ADGRD1: variants seen among roughly 807,000 people sequenced by gnomAD.
The protein encoded by ADGRD1 is adhesion G protein-coupled receptor D1, also known as G-protein coupled receptor 133.
In ADGRD1, 77 loss-of-function variants were observed where a neutral mutation model predicts 113.4. That is an observed-to-expected ratio of 0.68 (90% CI 0.57 to 0.82). The LOEUF is 0.82. Ranked by LOEUF, ADGRD1 falls within the 40% of genes least tolerant of loss-of-function variation. The pLI is 0.00. For missense variants in ADGRD1, 1,036 were observed against 1,139.1 expected, an observed-to-expected ratio of 0.91 and a Z score of 1.30; for synonymous variants, 474 against 475.0, an observed-to-expected ratio of 1.00 and a Z score of 0.03.
chr12:131,065,873 C>T (rs1884682816), intron 13 of ADGRD1, among the ~76,000 whole-genome samples: 2 of 152,364 alleles, frequency 1.3e-5, no homozygotes, highest in South Asian at 4.1e-4. Flanking sequence ...AAGCCCCCAT[C>T]TCCCAGGTTA....
At chr12:131,112,552 C>T (rs1323583991) in intron 18 of ADGRD1, among the ~76,000 whole-genome samples, 2 of 152,216 alleles carry the variant, frequency 1.3e-5, no homozygotes, top group Admixed American at 6.5e-5. Flanking sequence ...CCAGCTTCCT[C>T]TTCGTTCCCT....
At chr12:131,040,509 G>A (rs138132814) in intron 13 of ADGRD1, among the ~76,000 whole-genome samples, 47 of 152,278 alleles carry the variant, frequency 3.1e-4, no homozygotes, top group African/African-American at 1.0e-3. Flanking sequence ...ATACTCACAC[G>A]CTTCTCATAC....
intron 8 of ADGRD1, among the ~76,000 whole-genome samples, chr12:130,995,312 T>C (rs1375553474): frequency 6.6e-6 from 1 of 152,152 alleles, no homozygotes; most frequent in Non-Finnish European, 1.5e-5. Context: ...GTATGCGCAG[T>C]GAGGTGGGTG....
At chr12:130,986,233 T>G (rs1236899427) in intron 5 of ADGRD1, among the ~76,000 whole-genome samples, 1 of 152,220 alleles carries the variant, frequency 6.6e-6, no homozygotes, top group African/African-American at 2.4e-5. Context: ...TATAGATCAA[T>G]TTGGGAAGAA....
At chr12:131,104,768 C>T (rs1407465677) in intron 15 of ADGRD1, 63 bp from the exon 16 acceptor site, 4 of 1,181,960 alleles carry the variant, frequency 3.4e-6, no homozygotes, top group African/African-American at 1.5e-5. Context: ...GGGCCCTCTG[C>T]AGCTTCAGGC....
At chr12:131,007,167 T>C (rs925706078) in intron 12 of ADGRD1, among the ~76,000 whole-genome samples, 24 of 152,358 alleles carry the variant, frequency 1.6e-4, no homozygotes, top group Non-Finnish European at 3.2e-4. Flanking sequence ...TGCTTCCAGA[T>C]GCAGGGTGCA....
chr12:131,094,435 C>T (rs746335772), intron 15 of ADGRD1, among the ~76,000 whole-genome samples: 3 of 151,800 alleles, frequency 2.0e-5, no homozygotes, highest in Non-Finnish European at 4.4e-5. Context: ...GTCTATTGCC[C>T]TGTTGATGGG....
intron 13 of ADGRD1, among the ~76,000 whole-genome samples, chr12:131,045,967 G>A (rs974625095): frequency 4.0e-5 from 6 of 151,470 alleles, no homozygotes; most frequent in Non-Finnish European, 7.4e-5. Flanking sequence ...CCTGGTCAGT[G>A]TCCTCCCTGG....
At position 130,966,223 on chromosome 12, in the gene ADGRD1, G is replaced by T. The variant is rs186904361; in HGVS notation, c.104-240G>T. ...GGCTTCTGTTTTCATGCAACAAGAGGCATCTATTCCTATTTACCCTGTTTT... is the reference window on the plus strand; with the variant it reads ...GGCTTCTGTTTTCATGCAACAAGAGTCATCTATTCCTATTTACCCTGTTTT... On this transcript the variant is annotated intron_variant, in intron 2 of 24. Coordinates refer to ENST00000261654, the MANE Select transcript of ADGRD1 (RefSeq NM_198827.5). This position sits in a 1 kb window ranked among gnomAD's most constrained non-coding sequence, Gnocchi z 4.6. 5.9e-5 allele frequency among the ~76,000 whole-genome samples: 9 copies of T among 152,246 alleles called. No homozygotes were observed. The highest frequency in any genetic ancestry group is 5.9e-4 in the Admixed American group (9 of 15,292).
intron 20 of ADGRD1, among the ~76,000 whole-genome samples, chr12:131,126,853 T>C (rs1258955228): frequency 6.6e-6 from 1 of 152,144 alleles, no homozygotes; most frequent in Non-Finnish European, 1.5e-5. Flanking sequence ...ATTTTCCGAT[T>C]TGTAGTCGAG....
chr12:131,115,832 G>A (rs868154508), intron 18 of ADGRD1, among the ~76,000 whole-genome samples: 2 of 152,090 alleles, frequency 1.3e-5, no homozygotes, highest in Admixed American at 6.6e-5. Flanking sequence ...CTTCATCATC[G>A]AGGGGCTCAT....
At chr12:131,067,114 G>A (rs1034438472) in intron 13 of ADGRD1, among the ~76,000 whole-genome samples, 1 of 151,920 alleles carries the variant, frequency 6.6e-6, no homozygotes, top group African/African-American at 2.4e-5. Flanking sequence ...GGATTTGGGG[G>A]CTCAAAAAGT....
chr12:131,106,319 C>T (rs1245613445), intron 17 of ADGRD1, among the ~76,000 whole-genome samples: 2 of 152,200 alleles, frequency 1.3e-5, no homozygotes, highest in African/African-American at 4.8e-5. Flanking sequence ...AGTTGTGCCA[C>T]CTCTGTTCAG....
intron 13 of ADGRD1, among the ~76,000 whole-genome samples, chr12:131,068,945 C>T (rs913544740): frequency 4.6e-5 from 7 of 152,210 alleles, no homozygotes; most frequent in South Asian, 2.1e-4. Context: ...TAGTGCCCTT[C>T]GGCAGGTAAA....
At chr12:131,076,954 C>A in intron 14 of ADGRD1, 80 bp downstream of exon 14, 2 of 1,115,864 alleles carry the variant, frequency 1.8e-6, no homozygotes, top group African/African-American at 1.5e-5. Context: ...AGGGGAGGAT[C>A]TGGGTCACCC....
intron 13 of ADGRD1, among the ~76,000 whole-genome samples, chr12:131,068,577 G>A (rs1380575617): frequency 6.6e-6 from 1 of 152,150 alleles, no homozygotes; most frequent in Non-Finnish European, 1.5e-5. Flanking sequence ...ATGAACCCCT[G>A]ACTATTCTCA....
intron 13 of ADGRD1, among the ~76,000 whole-genome samples, chr12:131,073,913 C>A (rs1885374928): frequency 1.3e-5 from 2 of 152,016 alleles, no homozygotes; most frequent in African/African-American, 4.8e-5. Context: ...CCTCATGACC[C>A]AGTTGCCACT....
At chr12:131,040,915 A>G (rs1882067696) in intron 13 of ADGRD1, among the ~76,000 whole-genome samples, 1 of 152,206 alleles carries the variant, frequency 6.6e-6, no homozygotes, top group Non-Finnish European at 1.5e-5. Flanking sequence ...TTACCTTAGC[A>G]TCAGAATTGC....
At chr12:131,077,575 T>C (rs1289422993) in intron 14 of ADGRD1, among the ~76,000 whole-genome samples, 1 of 151,528 alleles carries the variant, frequency 6.6e-6, no homozygotes, top group Non-Finnish European at 1.5e-5. Flanking sequence ...GTCACAGCGG[T>C]GTTGAAAACT....
Sources: allele counts gnomAD v4.1 joint callset (sites outside exome capture counted in the v4.1 genomes callset), GRCh38; gene constraint gnomAD v4.1.1; non-coding constraint Gnocchi (gnomAD v3.1); transcripts MANE v1.5; gene names NCBI Gene and HGNC (gene_info 2026-07-23, HGNC 2026-07-21).